Variants in FYCO1 observed in about 807,000 individuals in gnomAD.
FYCO1 encodes the protein FYVE and coiled-coil domain autophagy adaptor 1, also known as FYVE and coiled-coil domain-containing protein 1.
A neutral mutation model predicts 165.1 loss-of-function variants in FYCO1; 122 were observed. The observed-to-expected ratio is 0.74, with a 90% CI of 0.64 to 0.86. The LOEUF is 0.86. FYCO1 is among the 40% of genes least tolerant of loss of function. The pLI is 0.00. For synonymous variants in FYCO1, 648 were observed against 742.5 expected (o/e 0.87, Z 2.07); for missense variants, 1,702 against 1,810.3 (o/e 0.94, Z 1.09).
In FYCO1 at chr3:45,963,061, T is replaced by C. The variant is rs543293477; in HGVS notation, c.3270-669A>G. Among the ~76,000 whole-genome samples the C allele has an allele frequency of 4.6e-5, 7 of 152,168 alleles. No homozygotes were observed. The South Asian group carries it at 8.3e-4, about 18-fold the overall frequency. On this transcript the variant is annotated intron_variant, in intron 10 of 17. Coordinates refer to ENST00000296137, the MANE Select transcript of FYCO1 (RefSeq NM_024513.4). Reference sequence around the variant, plus strand: ...CAGTGGTTTTCCAAGGATGGTCCAGTGGGACATAATAAAAGCTCCATTAAA... The same window carrying C: ...CAGTGGTTTTCCAAGGATGGTCCAGCGGGACATAATAAAAGCTCCATTAAA...
rs746653281 is a variant in FYCO1 at position 45,923,723 on chromosome 3, T to A, written c.4294A>T (p.Ile1432Phe). 1.2e-6 allele frequency: 2 copies of A among 1,614,138 alleles called. No individual in the cohort carries two copies. Among genetic ancestry groups the A allele is most frequent in the Admixed American group, 3.3e-5 (2 of 60,026 alleles). ...GTGCGAACCTTGAGCTGGCCCTGGA[T>A]GTTCTCCTTGTGGGAGTTGCATCGG... is the stretch of plus-strand genomic sequence containing the variant. ...TTRCNSHKEN[I>F]QGQLKVRTPG... Residue 1432 changes from isoleucine to phenylalanine, a missense_variant, in exon 17 of 18, where the codon ATC becomes TTC. By Grantham distance (21) the Ile-to-Phe change is conservative (BLOSUM62 0). Transcript: ENST00000296137.
At position 45,984,973 on chromosome 3, in the gene FYCO1, C is replaced by T. The variant is rs1386805255; in HGVS notation, c.-63G>A. The T allele has an allele frequency of 2.4e-5, 38 of 1,567,064 alleles. No individual in the cohort carries two copies. The East Asian group carries it at 4.7e-4, about 19-fold the overall frequency. On this transcript the variant is annotated 5_prime_UTR_variant, in exon 2 of 18. Transcript: ENST00000296137. Reference sequence around the variant, plus strand: ...GGGTCCAGAGGAAGGCTCAGAATTTCGGCCCTCGGTGGCTGTCTGCTCAGC... The same window carrying T: ...GGGTCCAGAGGAAGGCTCAGAATTTTGGCCCTCGGTGGCTGTCTGCTCAGC...
chr3:45,964,256 T>C lies in FYCO1; in HGVS notation c.3269+80A>G. 1.8e-6 allele frequency: 2 copies of C among 1,106,458 alleles called. No individual in the cohort carries two copies. Among genetic ancestry groups the C allele is most frequent in the Non-Finnish European group, 2.8e-6 (2 of 718,698 alleles). 68.5% of individuals were successfully genotyped at this position (1,106,458 alleles called of 1,614,324 possible). ...AAGGACTTCCTAAACCTAATATGAGTGACTGACTTTCTAAATGACGAGACC... is the reference window on the plus strand; with the variant it reads ...AAGGACTTCCTAAACCTAATATGAGCGACTGACTTTCTAAATGACGAGACC... On this transcript the variant is annotated intron_variant, in intron 10 of 17. Coordinates refer to ENST00000296137, the MANE Select transcript of FYCO1 (RefSeq NM_024513.4). The surrounding 1 kb of genome is among the most constrained non-coding windows in gnomAD (Gnocchi z 4.1).
At chr3:45,937,837 G>A (rs142097214) in intron 14 of FYCO1, among the ~76,000 whole-genome samples, 1 of 152,138 alleles carries the variant, frequency 6.6e-6, no homozygotes, top group African/African-American at 2.4e-5. Flanking sequence ...CTTTCCAGCC[G>A]CTGGTTTCCA....
intron 14 of FYCO1, among the ~76,000 whole-genome samples, chr3:45,949,838 C>T (rs1169565147): frequency 3.3e-5 from 5 of 152,224 alleles, no homozygotes; most frequent in African/African-American, 9.6e-5. Context: ...CAAAATCTTT[C>T]TTTGCCTTCC....
Position 45,936,449 on chromosome 3 carries a change from TCA to T in FYCO1, c.4037_4038del (p.Leu1346HisfsTer10). 3 of 1,611,160 alleles carry T rather than the reference TCA, an allele frequency of 1.9e-6. No individual in the cohort carries two copies. The highest frequency in any genetic ancestry group is 2.5e-6 in the Non-Finnish European group (3 of 1,177,394). On this transcript the variant is annotated frameshift_variant and splice_region_variant, in exon 15 of 18. Transcript: ENST00000296137. LOFTEE classifies it high-confidence loss of function. ...SEICLLKSGELMIKVPLTVDE... is the reference protein window; with the variant it reads ...SEICLLKSGEXMIKVPLTVDE... ...GCCCAGGCAGCAGTTGCCACTTACATCAGTTCTCCAGACTTCAGCAGGCAGAT... is the reference window on the plus strand; with the variant it reads ...GCCCAGGCAGCAGTTGCCACTTACATGTTCTCCAGACTTCAGCAGGCAGAT...
chr3:45,949,046 G>A (rs892148513), intron 14 of FYCO1, among the ~76,000 whole-genome samples: 2 of 152,192 alleles, frequency 1.3e-5, no homozygotes, highest in East Asian at 1.9e-4. Flanking sequence ...TGTCAGCTCC[G>A]TGGGTTAGCG....
In FYCO1 at chr3:45,964,232, A is replaced by C. The variant is rs1559457605; in HGVS notation, c.3269+104T>G. Reference sequence around the variant, plus strand: ...CTGAGTTTGTGGCTTTTCTTGCAAAAGGACTTCCTAAACCTAATATGAGTG... The same window carrying C: ...CTGAGTTTGTGGCTTTTCTTGCAAACGGACTTCCTAAACCTAATATGAGTG... On this transcript the variant is annotated intron_variant, in intron 10 of 17. Coordinates refer to ENST00000296137, the MANE Select transcript of FYCO1 (RefSeq NM_024513.4). The surrounding 1 kb of genome is among the most constrained non-coding windows in gnomAD (Gnocchi z 4.1). The C allele has an allele frequency of 3.2e-6, 3 of 949,346 alleles. No homozygotes were observed. The highest frequency in any genetic ancestry group is 2.4e-5 in the East Asian group (1 of 41,070). The allele number at this position is 949,346 out of a possible 1,614,324, so 58.8% of individuals were successfully genotyped here.
At chr3:45,963,292 G>C (rs896168156) in intron 10 of FYCO1, among the ~76,000 whole-genome samples, 35 of 152,054 alleles carry the variant, frequency 2.3e-4, no homozygotes, top group Admixed American at 2.3e-3. Flanking sequence ...GTACAGCTTT[G>C]AGCAACTGAA....
Position 45,959,463 on chromosome 3 carries a change from C to G in FYCO1, c.3517G>C (p.Asp1173His). 1.2e-6 allele frequency: 2 copies of G among 1,614,190 alleles called. No individual in the cohort carries two copies. ...TCGAGGCAGTGGTTTGCCTCTGTGT[C>G]TCCGAGCCATCTCTCCTCAGCACTG... Reference protein sequence around the residue: ...KLSAEERWLGDTEANHCLDCK... With the variant: ...KLSAEERWLGHTEANHCLDCK... Residue 1173 changes from aspartate (D) to histidine (H), a missense_variant, in exon 12 of 18, where the codon GAC becomes CAC. Asp to His is a moderately conservative substitution (Grantham distance 81, BLOSUM62 -1). Transcript: ENST00000296137.
intron 1 of FYCO1, 71 bp from the exon 2 acceptor site, chr3:45,985,093 C>A: frequency 5.7e-6 from 4 of 696,670 alleles, no homozygotes; most frequent in Non-Finnish European, 1.1e-5. Context: ...TTAGAGAACT[C>A]TGCTCTGGGC....
chr3:45,940,251 T>G (rs2125811339), intron 14 of FYCO1, among the ~76,000 whole-genome samples: 1 of 152,302 alleles, frequency 6.6e-6, no homozygotes, highest in East Asian at 1.9e-4. Context: ...ATTGTTAAGC[T>G]GTCTCTCTAA....
chr3:45,949,461 C>T (rs1314123687), intron 14 of FYCO1, among the ~76,000 whole-genome samples: 1 of 152,180 alleles, frequency 6.6e-6, no homozygotes, highest in Non-Finnish European at 1.5e-5. Context: ...AGCATTTCCA[C>T]GAGTCCCCAT....
chr3:45,921,960 GCCCCAT>G, intron 17 of FYCO1, 120 bp from the exon 18 acceptor site: 1 of 720,924 alleles, frequency 1.4e-6, no homozygotes, highest in Non-Finnish European at 2.6e-6. Flanking sequence ...GGGTGCTGGA[GCCCCAT>G]GCCCCATTTC....
chr3:45,951,142 A>C (rs1012370695), intron 14 of FYCO1, among the ~76,000 whole-genome samples: 1 of 152,142 alleles, frequency 6.6e-6, no homozygotes, highest in Non-Finnish European at 1.5e-5. Flanking sequence ...AGTGCAAGGT[A>C]CTGAGGTGGT....
chr3:45,960,818 C>A (rs1206193469), intron 11 of FYCO1, among the ~76,000 whole-genome samples: 1 of 152,074 alleles, frequency 6.6e-6, no homozygotes, highest in Non-Finnish European at 1.5e-5. Context: ...AAATTTTGAA[C>A]CTGAGTCTAA....
intron 17 of FYCO1, among the ~76,000 whole-genome samples, chr3:45,923,090 CAACCTATACACTCCTG>C (rs1241698637): frequency 1.3e-5 from 2 of 152,226 alleles, no homozygotes; most frequent in Admixed American, 1.3e-4. Flanking sequence ...CCCCATCTCC[CAACCTATACACTCCTG>C]AACCTTAGCT....
Position 45,921,624 on chromosome 3 carries a change from C to A in FYCO1, c.*141G>T. 2.8e-6 allele frequency: 2 copies of A among 701,854 alleles called. No homozygotes were observed. Among genetic ancestry groups the A allele is most frequent in the Non-Finnish European group, 5.2e-6 (2 of 382,180 alleles). 43.5% of individuals were successfully genotyped at this position (701,854 alleles called of 1,614,324 possible). On this transcript the variant is annotated 3_prime_UTR_variant, in exon 18 of 18. Coordinates refer to ENST00000296137, the MANE Select transcript of FYCO1 (RefSeq NM_024513.4). ...CAGAGTGCTGAGCACAAAGTCCTCC[C>A]CAGACACCGCCTCTGAGGGGCAGCC...
chr3:45,973,225 C>T lies in FYCO1; in HGVS notation c.402G>A (p.Trp134Ter). The T allele has an allele frequency of 2.5e-6, 4 of 1,614,014 alleles. No homozygotes were observed. The highest frequency in any genetic ancestry group is 3.4e-6 in the Non-Finnish European group (4 of 1,179,902). Reference sequence around the variant, plus strand: ...GCAGAAAGGGGCTTCTTGCATAGTACCAGTCACTGCAGAAAAACATGTCAA... The same window carrying T: ...GCAGAAAGGGGCTTCTTGCATAGTATCAGTCACTGCAGAAAAACATGTCAA... ...CFMNTKVTSD[W>*]YYARSPFLQP... Residue 134 changes from tryptophan to a stop codon, truncating the protein, a stop_gained, in exon 6 of 18, where the codon TGG becomes TGA. Coordinates refer to ENST00000296137, the MANE Select transcript of FYCO1 (RefSeq NM_024513.4). LOFTEE classifies it high-confidence loss of function.
Sources: gnomAD v4.1 joint callset for allele counts (sites outside exome capture counted in the v4.1 genomes callset) on GRCh38, gnomAD v4.1.1 for gene constraint, Gnocchi (gnomAD v3.1) non-coding constraint, MANE v1.5 for transcripts, NCBI Gene and HGNC (gene_info 2026-07-23, HGNC 2026-07-21) for gene names.